Variants in GIPC2 observed in about 807,000 individuals in gnomAD.
GIPC2 encodes the protein PDZ domain-containing protein GIPC2.
In GIPC2, 30 loss-of-function variants were observed where a neutral mutation model predicts 30.6. That is an observed-to-expected ratio of 0.98 (90% CI 0.73 to 1.33). GIPC2 has a LOEUF of 1.33. Ranked by LOEUF, GIPC2 falls within the 40% of genes most tolerant of loss-of-function variation. The pLI, the probability that GIPC2 is intolerant of heterozygous loss-of-function variation, is 0.00. For missense variants in GIPC2, 414 were observed against 390.3 expected, an observed-to-expected ratio of 1.06 and a Z score of -0.51; for synonymous variants, 167 against 150.0, an observed-to-expected ratio of 1.11 and a Z score of -0.83.
At chr1:78,112,452 G>C (rs748496073) in intron 3 of GIPC2, 1 of 518,980 alleles carries the variant, frequency 1.9e-6, no homozygotes, top group Middle Eastern at 3.2e-4. Flanking sequence ...TGAGCAACTT[G>C]GATACAGCAG....
At chr1:78,114,306 T>C (rs529887131) in intron 3 of GIPC2, among the ~76,000 whole-genome samples, 1 of 152,198 alleles carries the variant, frequency 6.6e-6, no homozygotes, top group African/African-American at 2.4e-5. Context: ...GTGACTGATT[T>C]AGGGCTTGGC....
chr1:78,069,127 G>C, intron 1 of GIPC2: 1 of 983,462 alleles, frequency 1.0e-6, no homozygotes, highest in Non-Finnish European at 1.2e-6. Context: ...CCGAGCAAAG[G>C]TCAGTCAGCC....
At position 78,046,158 on chromosome 1, in the gene GIPC2, G is replaced by A. The variant is rs1661067471; in HGVS notation, c.64G>A (p.Gly22Ser). ...KSKETAGLVE[G>S]EPTGAGGGSL... ...CAAGGAGACCGCCGGGCTGGTGGAG[G>A]GCGAGCCGACGGGCGCGGGCGGCGG... Residue 22 changes from glycine to serine, a missense_variant, in exon 1 of 6, where the codon GGC becomes AGC. Transcript: ENST00000370759. 3 of 1,552,150 alleles carry A rather than the reference G, an allele frequency of 1.9e-6. No individual in the cohort carries two copies. Among genetic ancestry groups the A allele is most frequent in the Middle Eastern group, 1.9e-4 (1 of 5,388 alleles).
At chr1:78,071,648 G>A (rs2100326963) in intron 1 of GIPC2, among the ~76,000 whole-genome samples, 1 of 150,670 alleles carries the variant, frequency 6.6e-6, no homozygotes, top group South Asian at 2.1e-4. Context: ...GAGTTGCCCA[G>A]GCTGTCTCGA....
chr1:78,114,922 C>T (rs1662540267), intron 3 of GIPC2, among the ~76,000 whole-genome samples: 1 of 152,178 alleles, frequency 6.6e-6, no homozygotes, highest in Non-Finnish European at 1.5e-5. Context: ...TGGAAACCTT[C>T]TGTACTTTCT....
intron 1 of GIPC2, among the ~76,000 whole-genome samples, chr1:78,068,261 A>C (rs1661557763): frequency 6.6e-6 from 1 of 152,212 alleles, no homozygotes; most frequent in South Asian, 2.1e-4. Flanking sequence ...GAACATTTAG[A>C]GTTAATATCC....
At chr1:78,111,678 A>G (rs1662468111) in intron 3 of GIPC2, among the ~76,000 whole-genome samples, 1 of 152,220 alleles carries the variant, frequency 6.6e-6, no homozygotes, top group African/African-American at 2.4e-5. Context: ...AGCAGAAGCA[A>G]ATTATAAACT....
intron 1 of GIPC2, among the ~76,000 whole-genome samples, chr1:78,058,098 C>G (rs1344378211): frequency 6.6e-6 from 1 of 152,184 alleles, no homozygotes; most frequent in African/African-American, 2.4e-5. Context: ...GCCATATACT[C>G]TTAAACCTCC....
At chr1:78,131,205 T>G (rs1025606600) in intron 5 of GIPC2, among the ~76,000 whole-genome samples, 3 of 152,134 alleles carry the variant, frequency 2.0e-5, no homozygotes, top group Non-Finnish European at 4.4e-5. Context: ...TACTTTTTTT[T>G]CTTTTTTCTT....
intron 3 of GIPC2, among the ~76,000 whole-genome samples, chr1:78,107,441 G>A (rs1379734865): frequency 2.0e-5 from 3 of 152,040 alleles, no homozygotes; most frequent in Admixed American, 6.6e-5. Flanking sequence ...TACCATGCCC[G>A]GCTGACTTTT....
intron 4 of GIPC2, 65 bp from the exon 5 acceptor site, chr1:78,125,816 G>T: frequency 1.2e-6 from 1 of 856,902 alleles, no homozygotes; most frequent in South Asian, 1.4e-5. Flanking sequence ...GCTTTCTCTT[G>T]TGTATGCCCT....
Position 78,135,677 on chromosome 1 carries a change from G to T in GIPC2, c.882G>T (p.Ala294=), listed in dbSNP as rs113588229. ...VALDETLGDF[A]FPDEFVFDVW... is the part of the protein sequence containing the mutation. ...TTGACGAAACTCTTGGAGACTTTGC[G>T]TTCCCAGACGAATTTGTCTTTGATG... Residue 294 remains alanine, a synonymous_variant, in exon 6 of 6, where the codon GCG becomes GCT. Transcript: ENST00000370759. The T allele has an allele frequency of 6.3e-5, 102 of 1,613,122 alleles. 2 individuals carry two copies. The South Asian group carries it at 1.0e-3, about 16-fold the overall frequency.
Position 78,046,046 on chromosome 1 carries a change from G to A in GIPC2, c.-49G>A. ...GCAAAGTCCGAGGCGCCGGGGGGAG[G>A]AGGCGGCGGACGGCAGCGCAGGTGG... On this transcript the variant is annotated 5_prime_UTR_variant, in exon 1 of 6. Coordinates refer to ENST00000370759, the MANE Select transcript of GIPC2 (RefSeq NM_017655.6). The A allele has an allele frequency of 7.1e-7, 1 of 1,399,468 alleles. No homozygotes were observed. Among genetic ancestry groups the A allele is most frequent in the Non-Finnish European group, 9.3e-7 (1 of 1,079,102 alleles). 86.7% of individuals were successfully genotyped at this position (1,399,468 alleles called of 1,614,324 possible).
intron 1 of GIPC2, among the ~76,000 whole-genome samples, chr1:78,065,600 A>G (rs990998265): frequency 6.6e-5 from 10 of 152,210 alleles, no homozygotes; most frequent in African/African-American, 2.4e-4. Flanking sequence ...AGGCAATTCT[A>G]AGTGAAAAGA....
intron 2 of GIPC2, chr1:78,091,864 G>C: frequency 1.3e-6 from 1 of 780,052 alleles, no homozygotes; most frequent in East Asian, 2.4e-5. Context: ...TAAGAATCTT[G>C]TGGAAGAAGA....
intron 3 of GIPC2, among the ~76,000 whole-genome samples, chr1:78,097,450 C>T (rs567320962): frequency 7.0e-4 from 106 of 152,286 alleles, no homozygotes; most frequent in South Asian, 2.5e-3. Flanking sequence ...TTCCTACCAA[C>T]TTCCCTAAAG....
intron 3 of GIPC2, among the ~76,000 whole-genome samples, chr1:78,103,100 G>T (rs988349016): frequency 4.6e-5 from 7 of 152,198 alleles, no homozygotes; most frequent in South Asian, 2.1e-4. Context: ...AGCGAGGGAG[G>T]CACACTTCTA....
At chr1:78,087,920 A>T (rs541979529) in intron 2 of GIPC2, among the ~76,000 whole-genome samples, 55 of 152,206 alleles carry the variant, frequency 3.6e-4, no homozygotes, top group Middle Eastern at 3.4e-3. Flanking sequence ...AAAAAAGACA[A>T]CTCCATTAAA....
At chr1:78,045,023 C>G, upstream of GIPC2, 1 of 900,170 alleles carries the variant, frequency 1.1e-6, no homozygotes, top group Non-Finnish European at 1.3e-6. Flanking sequence ...AGGGTGGGGA[C>G]GGGGAGAGGA....
Sources: gnomAD v4.1 joint callset for allele counts (sites outside exome capture counted in the v4.1 genomes callset) on GRCh38, gnomAD v4.1.1 for gene constraint, MANE v1.5 for transcripts, NCBI Gene and HGNC (gene_info 2026-07-23, HGNC 2026-07-21) for gene names.